Variants in ZNF385D observed in about 807,000 individuals in gnomAD.
ZNF385D encodes zinc finger protein 385D, also known as zinc finger protein 659.
Under a neutral mutation model 35.8 loss-of-function variants are expected in ZNF385D, and 15 were observed. The ratio of observed to expected loss-of-function variants is 0.42; its 90% CI spans 0.28 to 0.64. The LOEUF is 0.64. Among genes scored for constraint, ZNF385D ranks in the 30% least tolerant of loss-of-function variants. The pLI is 0.23. For missense variants in ZNF385D, 474 were observed against 494.6 expected (o/e 0.96, Z 0.39); for synonymous variants, 212 against 186.8 (o/e 1.13, Z -1.10).
At chr3:22,186,728 G>C (rs1214952871) in intron 2 of ZNF385D, among the ~76,000 whole-genome samples, 2 of 151,972 alleles carry the variant, frequency 1.3e-5, no homozygotes, top group East Asian at 3.9e-4. Context: ...TTACTAGATA[G>C]GTTAGACCCC....
intron 3 of ZNF385D, among the ~76,000 whole-genome samples, chr3:22,038,141 C>T (rs887624678): frequency 7.9e-5 from 12 of 152,108 alleles, no homozygotes; most frequent in African/African-American, 2.9e-4. Context: ...GTTTATTTGG[C>T]ACCAACCTAG....
At chr3:21,778,501 A>G (rs903585794) in intron 3 of ZNF385D, among the ~76,000 whole-genome samples, 1 of 151,344 alleles carries the variant, frequency 6.6e-6, no homozygotes, top group African/African-American at 2.4e-5. Context: ...CTATCAGGCA[A>G]GCTATCACTG....
At chr3:22,242,554 A>G (rs915077981) in intron 2 of ZNF385D, among the ~76,000 whole-genome samples, 3 of 151,106 alleles carry the variant, frequency 2.0e-5, no homozygotes, top group South Asian at 2.2e-4. Context: ...ATAGTTTACA[A>G]AACACCTAAC....
In ZNF385D at chr3:22,269,854, C is replaced by T. The variant is rs1008214559; in HGVS notation, c.107-100819G>A. Among the ~76,000 whole-genome samples, 29 of 151,900 alleles carry T rather than the reference C, an allele frequency of 1.9e-4. No homozygotes were observed. The East Asian group carries it at 4.9e-3, about 26-fold the overall frequency. ...CCAAGCCCTAATGAACCTTAAATGGCAAATATTGGCTTGCTTTACCTTGTA... is the reference window on the plus strand; with the variant it reads ...CCAAGCCCTAATGAACCTTAAATGGTAAATATTGGCTTGCTTTACCTTGTA... On this transcript the variant is annotated intron_variant, in intron 2 of 5. Coordinates refer to the ZNF385D transcript ENST00000494108.
intron 3 of ZNF385D, among the ~76,000 whole-genome samples, chr3:21,867,584 T>C (rs1196082582): frequency 1.3e-5 from 2 of 152,182 alleles, no homozygotes; most frequent in East Asian, 3.9e-4. Context: ...ATTTACTCTA[T>C]TTATGTTTAC....
At chr3:22,045,957 A>G (rs187738281) in intron 3 of ZNF385D, among the ~76,000 whole-genome samples, 1 of 152,106 alleles carries the variant, frequency 6.6e-6, no homozygotes, top group African/African-American at 2.4e-5. Context: ...GACTATTCAT[A>G]TCAATTGCCT....
At chr3:22,066,461 C>T (rs1018638076) in intron 3 of ZNF385D, among the ~76,000 whole-genome samples, 13 of 98,186 alleles carry the variant, frequency 1.3e-4, no homozygotes, top group South Asian at 7.7e-4. Flanking sequence ...GATGGTTCCC[C>T]GTGTGTGTGT....
At chr3:21,990,947 G>C (rs1366108974) in intron 3 of ZNF385D, among the ~76,000 whole-genome samples, 1 of 152,188 alleles carries the variant, frequency 6.6e-6, no homozygotes, top group Non-Finnish European at 1.5e-5. Context: ...ACAAATGCGT[G>C]ATCTAATGGC....
At chr3:22,206,446 A>G (rs552570387) in intron 2 of ZNF385D, among the ~76,000 whole-genome samples, 1 of 152,192 alleles carries the variant, frequency 6.6e-6, no homozygotes, top group Admixed American at 6.6e-5. Flanking sequence ...AGATATTTAC[A>G]GAGAATTTCA....
intron 2 of ZNF385D, among the ~76,000 whole-genome samples, chr3:22,263,020 C>T (rs540384852): frequency 5.5e-4 from 84 of 152,066 alleles, no homozygotes; most frequent in African/African-American, 1.8e-3. Context: ...ATCTCTTAAT[C>T]TAACAACATT....
At chr3:22,017,398 C>A (rs1212699378) in intron 3 of ZNF385D, among the ~76,000 whole-genome samples, 2 of 151,932 alleles carry the variant, frequency 1.3e-5, no homozygotes, top group South Asian at 2.1e-4. Flanking sequence ...CTTTTCAGCT[C>A]TGTCAAATTT....
chr3:22,015,619 G>T (rs1001261644), intron 3 of ZNF385D, among the ~76,000 whole-genome samples: 2 of 152,096 alleles, frequency 1.3e-5, no homozygotes, highest in East Asian at 3.9e-4. Flanking sequence ...TCTCATGTGT[G>T]AGTGAACACA....
chr3:22,126,529 T>C (rs929523935), intron 3 of ZNF385D, among the ~76,000 whole-genome samples: 2 of 152,066 alleles, frequency 1.3e-5, no homozygotes, highest in Non-Finnish European at 2.9e-5. Context: ...TTTTATTCCA[T>C]TGTGGTCGAG....
intron 1 of ZNF385D, among the ~76,000 whole-genome samples, chr3:21,706,373 G>C (rs1415907331): frequency 4.0e-5 from 6 of 151,618 alleles, no homozygotes; most frequent in Non-Finnish European, 8.8e-5. Context: ...TTTTACACTG[G>C]GATCAATGAA....
chr3:21,569,682 A>T (rs190087079), intron 2 of ZNF385D, among the ~76,000 whole-genome samples: 78 of 151,324 alleles, frequency 5.2e-4, no homozygotes, highest in African/African-American at 1.8e-3. Flanking sequence ...TTTTGGCATG[A>T]TTTTGCAGCG....
At chr3:21,927,548 T>A (rs1700790853) in intron 3 of ZNF385D, among the ~76,000 whole-genome samples, 1 of 152,200 alleles carries the variant, frequency 6.6e-6, no homozygotes, top group African/African-American at 2.4e-5. Flanking sequence ...AAAAAGAGAT[T>A]GCTGGGCTGA....
chr3:22,094,410 A>ATATAT (rs1386186822), intron 3 of ZNF385D, among the ~76,000 whole-genome samples: 4 of 83,412 alleles, frequency 4.8e-5, no homozygotes, highest in Non-Finnish European at 8.4e-5. Flanking sequence ...ATATATATAT[A>ATATAT]AAGGCATTTG....
chr3:22,286,234 T>C (rs1367218826), intron 2 of ZNF385D, among the ~76,000 whole-genome samples: 1 of 152,160 alleles, frequency 6.6e-6, no homozygotes, highest in Non-Finnish European at 1.5e-5. Context: ...TAATTCTTCT[T>C]CTACAGTTGT....
chr3:21,894,777 G>A (rs1184816137), intron 3 of ZNF385D, among the ~76,000 whole-genome samples: 1 of 152,098 alleles, frequency 6.6e-6, no homozygotes. Context: ...CTTACAAGCA[G>A]CAATAAGTTT....
Sources: gnomAD v4.1 joint callset for allele counts (sites outside exome capture counted in the v4.1 genomes callset) on GRCh38, gnomAD v4.1.1 for gene constraint, MANE v1.5 for transcripts, NCBI Gene and HGNC (gene_info 2026-07-23, HGNC 2026-07-21) for gene names.